SIAE: variants seen among roughly 807,000 people sequenced by gnomAD.
The protein encoded by SIAE is sialate O-acetylesterase.
In SIAE, 39 loss-of-function variants were observed where a neutral mutation model predicts 52.6. That is an observed-to-expected ratio of 0.74 (90% CI 0.57 to 0.97). The LOEUF is 0.97. Ranked by LOEUF, SIAE falls within the 50% of genes least tolerant of loss-of-function variation. The pLI is 0.00. For missense variants in SIAE, 592 were observed against 662.1 expected (o/e 0.89, Z 1.16); for synonymous variants, 233 against 241.4 (o/e 0.97, Z 0.32).
intron 2 of SIAE, among the ~76,000 whole-genome samples, chr11:124,666,530 A>G (rs1403835061): frequency 1.3e-5 from 2 of 152,348 alleles, no homozygotes; most frequent in Middle Eastern, 3.4e-3. Flanking sequence ...TAAATGTGGA[A>G]AGTCTAATAA....
intron 4 of SIAE, among the ~76,000 whole-genome samples, chr11:124,651,480 G>A (rs899325503): frequency 4.6e-5 from 7 of 151,540 alleles, no homozygotes; most frequent in African/African-American, 1.2e-4. Flanking sequence ...CCTGGGAGGC[G>A]GAGGTTGCAG....
At chr11:124,675,360 G>T (rs775824867), upstream of SIAE, 11 of 1,614,150 alleles carry the variant, frequency 6.8e-6, no homozygotes, top group South Asian at 1.2e-4. Flanking sequence ...GAGAGCAACC[G>T]GACAATATAC....
chr11:124,641,025 C>T (rs563460150), intron 7 of SIAE, among the ~76,000 whole-genome samples: 14 of 152,028 alleles, frequency 9.2e-5, no homozygotes, highest in Non-Finnish European at 1.5e-4. Flanking sequence ...TATTTTAGGC[C>T]GGGGGTTTTG....
intron 4 of SIAE, among the ~76,000 whole-genome samples, chr11:124,652,266 T>C (rs1943028195): frequency 6.6e-6 from 1 of 152,106 alleles, no homozygotes; most frequent in South Asian, 2.1e-4. Flanking sequence ...AAAGGCACTT[T>C]GTAGATGTGA....
chr11:124,641,616 G>A (rs940292517), intron 7 of SIAE, among the ~76,000 whole-genome samples: 2 of 152,082 alleles, frequency 1.3e-5, no homozygotes, highest in African/African-American at 4.8e-5. Context: ...CATGATCAAA[G>A]GACCATTTCA....
chr11:124,650,369 G>A (rs1201610391), intron 4 of SIAE, among the ~76,000 whole-genome samples: 1 of 152,098 alleles, frequency 6.6e-6, no homozygotes, highest in East Asian at 1.9e-4. Context: ...CTCTTACTCA[G>A]CCACTCATTC....
At chr11:124,639,619 C>G in intron 8 of SIAE, 91 bp downstream of exon 8, 1 of 1,557,944 alleles carries the variant, frequency 6.4e-7, no homozygotes, top group South Asian at 1.1e-5. Context: ...AGTGCCAATC[C>G]TCAGTCTAAT....
At chr11:124,655,174 CTTT>C (rs766294261) in intron 3 of SIAE, among the ~76,000 whole-genome samples, 10 of 135,006 alleles carry the variant, frequency 7.4e-5, no homozygotes, top group Admixed American at 7.3e-5. Flanking sequence ...TTAACTTCTT[CTTT>C]TTTTTTTTTT....
At chr11:124,644,353 G>A (rs79132946) in intron 7 of SIAE, among the ~76,000 whole-genome samples, 15,936 of 101,446 alleles carry the variant, frequency 0.16, 2,652 homozygotes, top group African/African-American at 0.43. Context: ...TCTGTGGTGA[G>A]AAAAAAAAAA....
intron 3 of SIAE, chr11:124,660,395 C>G: frequency 1.7e-6 from 1 of 595,386 alleles, no homozygotes; most frequent in Admixed American, 2.2e-5. Context: ...AAGTTCTTAA[C>G]CTATATAGAA....
At chr11:124,673,953 G>A (rs1943419252), upstream of SIAE, 6 of 568,846 alleles carry the variant, frequency 1.1e-5, no homozygotes, top group Admixed American at 9.1e-5. Flanking sequence ...GAGAAAGGAG[G>A]TGAGGCCGCT....
At chr11:124,657,249 TGTAAA>T (rs1167200810) in intron 3 of SIAE, among the ~76,000 whole-genome samples, 3 of 152,232 alleles carry the variant, frequency 2.0e-5, no homozygotes, top group East Asian at 1.9e-4. Flanking sequence ...GGCAGGTTAA[TGTAAA>T]GTAAACACGA....
chr11:124,673,609 G>A (rs757262801), intron 1 of SIAE, 33 bp downstream of exon 1: 30 of 1,607,962 alleles, frequency 1.9e-5, no homozygotes, highest in Non-Finnish European at 2.5e-5. Context: ...ACAGGCTGAG[G>A]GGCAGGGGTC....
rs1237668242 is a variant in SIAE, at chr11:124,663,156, A to C, written c.230-2353T>G. ...CAAAACTCCATCTCAAAAAAAAAAA[A>C]GTCATGTAAACTCTGACAATAACAC... On this transcript the variant is annotated intron_variant, in intron 2 of 9. Transcript: ENST00000263593. Among the ~76,000 whole-genome samples, 5 of 152,112 alleles carry C rather than the reference A, an allele frequency of 3.3e-5. No homozygotes were observed. In the East Asian group the frequency reaches 9.6e-4, roughly 29 times the overall value.
chr11:124,654,869 C>T, intron 3 of SIAE, 76 bp from the exon 4 acceptor site: 1 of 1,550,084 alleles, frequency 6.5e-7, no homozygotes, highest in Non-Finnish European at 8.9e-7. Context: ...AACATCAGTC[C>T]TCTGAGCTCC....
intron 1 of SIAE, among the ~76,000 whole-genome samples, chr11:124,671,638 T>C (rs1450012521): frequency 6.6e-6 from 1 of 151,832 alleles, no homozygotes; most frequent in Non-Finnish European, 1.5e-5. Flanking sequence ...TTCATTAGAG[T>C]AGACAGTGGA....
intron 3 of SIAE, 24 bp downstream of exon 3, chr11:124,660,604 T>A: frequency 1.2e-6 from 2 of 1,612,688 alleles, no homozygotes; most frequent in Non-Finnish European, 8.5e-7. Context: ...CACTGTGTAT[T>A]ATTGCTGAGA....
chr11:124,640,152 CAGG>C (rs902161011), intron 7 of SIAE, among the ~76,000 whole-genome samples: 6 of 152,142 alleles, frequency 3.9e-5, no homozygotes, highest in Non-Finnish European at 8.8e-5. Context: ...CCATAGAATG[CAGG>C]AGAATTGATG....
At chr11:124,657,173 C>G (rs948766470) in intron 3 of SIAE, among the ~76,000 whole-genome samples, 2 of 152,212 alleles carry the variant, frequency 1.3e-5, no homozygotes, top group African/African-American at 4.8e-5. Context: ...ATTCTCAGGA[C>G]AGGTTACACA....
Sources: allele counts gnomAD v4.1 joint callset (sites outside exome capture counted in the v4.1 genomes callset), GRCh38; gene constraint gnomAD v4.1.1; transcripts MANE v1.5; gene names NCBI Gene and HGNC (gene_info 2026-07-23, HGNC 2026-07-21).